Variants in ZNF664 observed in about 807,000 individuals in gnomAD.
The protein encoded by ZNF664 is zinc finger Organ of Corti 1.
ZNF664 carries 10 observed loss-of-function variants against 18.2 expected under a neutral mutation model. That is an observed-to-expected ratio of 0.55 (90% CI 0.34 to 0.93). The LOEUF is 0.93. Ranked by LOEUF, ZNF664 falls within the 40% of genes least tolerant of loss-of-function variation. ZNF664 has a pLI of 0.02. For missense variants in ZNF664, 193 were observed against 319.0 expected (o/e 0.61, Z 3.01); for synonymous variants, 119 against 104.2 (o/e 1.14, Z -0.86).
Position 124,012,020 on chromosome 12 carries a change from A to C in ZNF664, c.-125A>C. 6.9e-7 allele frequency: 1 copy of C among 1,451,706 alleles called. No homozygotes were observed. Among genetic ancestry groups the C allele is most frequent in the Non-Finnish European group, 9.0e-7 (1 of 1,111,428 alleles). The allele number at this position is 1,451,706 out of a possible 1,614,324, so 89.9% of individuals were successfully genotyped here. A position where few individuals can be genotyped will look rare whatever the true frequency, so the allele number is the denominator to read the frequency against. On this transcript the variant is annotated 5_prime_UTR_variant, in exon 5 of 5. Coordinates refer to ENST00000337815, the MANE Select transcript of ZNF664 (RefSeq NM_152437.3). ...GCTTAGGCTGACCTTAAACTTACCTAATAGAGCAAGCCTGAGATAGACTGC... is the reference window on the plus strand; with the variant it reads ...GCTTAGGCTGACCTTAAACTTACCTCATAGAGCAAGCCTGAGATAGACTGC...
At position 124,014,468 on chromosome 12, in the gene ZNF664, T is replaced by G. The variant is rs954307020; in HGVS notation, c.*1538T>G. The stretch of plus-strand genomic sequence containing the variant: ...CATGTGGAGGAACTCAAGGAATGTT[T>G]AGAAGACCAAAAGTCCCCAATGACA... On this transcript the variant is annotated 3_prime_UTR_variant, in exon 5 of 5. Transcript: ENST00000337815. 1 of 167,146 alleles carries G rather than the reference T, an allele frequency of 6.0e-6. No homozygotes were observed. Among genetic ancestry groups the G allele is most frequent in the Non-Finnish European group, 1.5e-5 (1 of 68,136 alleles). The allele number at this position is 167,146 out of a possible 1,614,324, so 10.4% of individuals were successfully genotyped here.
At chr12:123,974,388 G>C (rs1266915464) in intron 2 of ZNF664, 1 of 190,842 alleles carries the variant, frequency 5.2e-6, no homozygotes, top group Non-Finnish European at 1.1e-5. Context: ...AACGTTTTCT[G>C]ATATTTACAG....
At position 123,973,249 on chromosome 12, in the gene ZNF664, C is replaced by G. The variant is rs987519928; in HGVS notation, c.-995C>G. 32 of 891,136 alleles carry G rather than the reference C, an allele frequency of 3.6e-5. No individual in the cohort carries two copies. In the African/African-American group the frequency reaches 4.4e-4, roughly 12 times the overall value. The allele number at this position is 891,136 out of a possible 1,614,324, so 55.2% of individuals were successfully genotyped here. A position where few individuals can be genotyped will look rare whatever the true frequency, so the allele number is the denominator to read the frequency against. On this transcript the variant is annotated 5_prime_UTR_variant, in exon 1 of 5. Coordinates refer to ENST00000337815, the MANE Select transcript of ZNF664 (RefSeq NM_152437.3). ...CCCGGAGGCGTCTGGGTGTGCGGAG[C>G]GCGCGCGCGCGCGGCTCGGAGGCGC...
At chr12:123,993,651 C>T (rs901441485) in intron 3 of ZNF664, among the ~76,000 whole-genome samples, 16 of 152,166 alleles carry the variant, frequency 1.1e-4, no homozygotes, top group Non-Finnish European at 1.8e-4. Context: ...CAAATGCCCT[C>T]TTAACCCGGT....
chr12:124,012,619 T>G lies in ZNF664; in HGVS notation c.475T>G (p.Cys159Gly). Residue 159 changes from cysteine (C) to glycine (G), a missense_variant, in exon 5 of 5, where the codon TGC (cysteine) becomes GGC (glycine). Physicochemically the swap from Cys to Gly is radical, Grantham distance 159. This residue lies in a region of ZNF664 where 61 missense variants were observed against 153.7 expected (regional missense o/e 0.40). Coordinates refer to ENST00000337815, the MANE Select transcript of ZNF664 (RefSeq NM_152437.3). ...GGCCTTCAGGCACACCTCCAGCCTC[T>G]GCATGCATCAAAGAGTCCACACAGG... Reference protein sequence around the residue: ...GKAFRHTSSLCMHQRVHTGEK... With the variant: ...GKAFRHTSSLGMHQRVHTGEK... 1 of 1,614,208 alleles carries G rather than the reference T, an allele frequency of 6.2e-7. No individual in the cohort carries two copies. The highest frequency in any genetic ancestry group is 8.5e-7 in the Non-Finnish European group (1 of 1,180,028).
chr12:123,988,125 A>G lies in ZNF664; in HGVS notation c.-674A>G, dbSNP rs890039339. On this transcript the variant is annotated 5_prime_UTR_variant, in exon 3 of 5. The change abolishes the stop of an existing upstream ORF in the 5' untranslated region. Transcript: ENST00000337815. ...CTTCTGGAATGTCTTGGGGGTTTTG[A>G]TCCTGTCACTGTGGTAAGTTTTCCC... 8.1e-7 allele frequency: 1 copy of G among 1,231,326 alleles called. No individual in the cohort carries two copies. Among genetic ancestry groups the G allele is most frequent in the African/African-American group, 1.6e-5 (1 of 64,396 alleles). 76.3% of individuals were successfully genotyped at this position (1,231,326 alleles called of 1,614,324 possible).
At chr12:123,998,882 C>T (rs1594564595) in intron 3 of ZNF664, 1 of 152,530 alleles carries the variant, frequency 6.6e-6, no homozygotes, top group Non-Finnish European at 1.5e-5. Context: ...GGACTGTTGC[C>T]TCAATAACAC....
In ZNF664 at chr12:123,973,994, C is replaced by T. The variant is rs1163618963; in HGVS notation, c.-783C>T. On this transcript the variant is annotated 5_prime_UTR_variant, in exon 2 of 5. Transcript: ENST00000337815. The stretch of plus-strand genomic sequence containing the variant: ...CCGCCGGACGCCTCCATTGTTTGAC[C>T]ACAACAAGGGCCGGATTCTCACCCA... 1 of 1,231,878 alleles carries T rather than the reference C, an allele frequency of 8.1e-7. No individual in the cohort carries two copies. Among genetic ancestry groups the T allele is most frequent in the African/African-American group, 1.6e-5 (1 of 64,438 alleles). The allele number at this position is 1,231,878 out of a possible 1,614,324, so 76.3% of individuals were successfully genotyped here.
Position 123,988,941 on chromosome 12 carries a change from C to T in ZNF664, c.-661+803C>T, listed in dbSNP as rs752972607. 2.4e-4 allele frequency among the ~76,000 whole-genome samples: 37 copies of T among 152,174 alleles called. 1 individual carries two copies. The highest frequency in any genetic ancestry group is 4.9e-4 in the Non-Finnish European group (33 of 68,034). ...TATGTTATTTCCATGCATAGCTGGG[C>T]AGGAAGAGAAAGGAAAGCCCTTGTC... On this transcript the variant is annotated intron_variant, in intron 3 of 4. Transcript: ENST00000337815.
intron 2 of ZNF664, chr12:123,974,243 C>T: frequency 5.1e-6 from 2 of 393,608 alleles, no homozygotes; most frequent in South Asian, 1.4e-4. Flanking sequence ...TTGCCGAACT[C>T]TAACAACTAA....
rs1283948098 is a variant in ZNF664 at position 123,973,365 on chromosome 12, C to T, written c.-892+13C>T. 3.1e-6 allele frequency: 3 copies of T among 975,404 alleles called. No homozygotes were observed. Among genetic ancestry groups the T allele is most frequent in the South Asian group, 4.9e-5 (1 of 20,576 alleles). The allele number at this position is 975,404 out of a possible 1,614,324, so 60.4% of individuals were successfully genotyped here. On this transcript the variant is annotated intron_variant, in intron 1 of 4. Transcript: ENST00000337815. ...CCCCTCACTTGGAGTGAGTTCTCGG[C>T]GGCCGGGCTGCAGTCTTTCTTTCTT...
chr12:123,987,246 G>A (rs929910012), intron 2 of ZNF664, among the ~76,000 whole-genome samples: 1 of 152,176 alleles, frequency 6.6e-6, no homozygotes, highest in South Asian at 2.1e-4. Context: ...CCATCCACAT[G>A]TAGATACGGC....
Position 124,011,935 on chromosome 12 carries a change from A to C in ZNF664, c.-210A>C. The C allele has an allele frequency of 1.4e-6, 2 of 1,388,994 alleles. No individual in the cohort carries two copies. Among genetic ancestry groups the C allele is most frequent in the Non-Finnish European group, 1.9e-6 (2 of 1,079,466 alleles). 86.0% of individuals were successfully genotyped at this position (1,388,994 alleles called of 1,614,324 possible). On this transcript the variant is annotated 5_prime_UTR_variant, in exon 5 of 5. Transcript: ENST00000337815. ...CAATGTCACTTTATAATCGATAATA[A>C]TACTGAGTGAGGAACACTATGCAGG...
intron 2 of ZNF664, 92 bp downstream of exon 2, chr12:123,974,112 C>T (rs1015500799): frequency 2.3e-5 from 22 of 971,942 alleles, no homozygotes; most frequent in Non-Finnish European, 2.8e-5. Context: ...AGTTTTCTCA[C>T]TGTCCCCGGC....
chr12:123,996,819 G>C (rs1439725948), intron 3 of ZNF664, among the ~76,000 whole-genome samples: 2 of 152,216 alleles, frequency 1.3e-5, no homozygotes, highest in South Asian at 2.1e-4. Flanking sequence ...CCACTTGTGT[G>C]TGATGGACGG....
At chr12:123,997,147 G>A (rs1956959898) in intron 3 of ZNF664, among the ~76,000 whole-genome samples, 1 of 152,180 alleles carries the variant, frequency 6.6e-6, no homozygotes, top group African/African-American at 2.4e-5. Context: ...GTGATTAAAG[G>A]TGAAATGACT....
intron 2 of ZNF664, among the ~76,000 whole-genome samples, chr12:123,984,167 A>T (rs1306399898): frequency 6.6e-6 from 1 of 152,232 alleles, no homozygotes; most frequent in East Asian, 1.9e-4. Context: ...AGGAGAGGGG[A>T]GATGGAACTC....
Position 124,010,673 on chromosome 12 carries a change from A to G in ZNF664, c.-660-708A>G, listed in dbSNP as rs531239634. Among the ~76,000 whole-genome samples, 5 of 152,362 alleles carry G rather than the reference A, an allele frequency of 3.3e-5. No homozygotes were observed. The East Asian group carries it at 5.8e-4, about 18-fold the overall frequency. On this transcript the variant is annotated intron_variant, in intron 3 of 4. Coordinates refer to ENST00000337815, the MANE Select transcript of ZNF664 (RefSeq NM_152437.3). Reference sequence around the variant, plus strand: ...CATTGCCAGGTTATAACAGAGAGCAACGCACACAGTTCCTCCTTCATGGCA... The same window carrying G: ...CATTGCCAGGTTATAACAGAGAGCAGCGCACACAGTTCCTCCTTCATGGCA...
In ZNF664 at chr12:124,009,742, C is replaced by T. The variant is rs183532617; in HGVS notation, c.-660-1639C>T. Among the ~76,000 whole-genome samples, 15 of 152,228 alleles carry T rather than the reference C, an allele frequency of 9.9e-5. No homozygotes were observed. In the East Asian group the frequency reaches 2.9e-3, roughly 29 times the overall value. ...TGTTGCCCAGGCTGGTCTCAGACTC[C>T]TAGCCTCAAGTGATCCTCCCACCTC... On this transcript the variant is annotated intron_variant, in intron 3 of 4. Transcript: ENST00000337815.
Sources: gnomAD v4.1 joint callset for allele counts (sites outside exome capture counted in the v4.1 genomes callset) on GRCh38, gnomAD v4.1.1 for gene constraint, gnomAD v4.1.1 regional missense constraint, MANE v1.5 for transcripts, NCBI Gene and HGNC (gene_info 2026-07-23, HGNC 2026-07-21) for gene names.